The following CD58 variants were observed in gnomAD, a reference collection of about 807,000 sequenced individuals.
The protein encoded by CD58 is lymphocyte function-associated antigen 3.
CD58 carries 14 observed loss-of-function variants against 27.6 expected under a neutral mutation model. The ratio of observed to expected loss-of-function variants is 0.51; its 90% CI spans 0.34 to 0.79. CD58 has a LOEUF of 0.79. CD58 is among the 30% of genes least tolerant of loss of function. CD58 has a pLI of 0.02. For synonymous variants in CD58, 117 were observed against 103.8 expected (o/e 1.13, Z -0.77); for missense variants, 268 against 301.7 (o/e 0.89, Z 0.83).
At chr1:116,565,778 G>C in intron 1 of CD58, among the ~76,000 whole-genome samples, 1 of 150,688 alleles carries the variant, frequency 6.6e-6, no homozygotes, top group East Asian at 1.9e-4. Flanking sequence ...CTGGAGTGCA[G>C]TGTTGTAATC....
In CD58 at chr1:116,544,313, A is replaced by C; in HGVS notation, c.362T>G (p.Leu121Arg). The change falls in exon 2 of 6, where the codon CTT becomes CGT. Residue 121 changes from leucine to arginine, a missense_variant and splice_region_variant. By Grantham distance (102) the Leu-to-Arg change is moderately radical. Coordinates refer to ENST00000369489, the MANE Select transcript of CD58 (RefSeq NM_001779.3). ...TDTMKFFLYV[L>R]ESLPSPTLTC... ...AAATCAACTTATGGAATACTCACCA[A>C]GCACATAAAGAAAGAACTTCATGGT... is the stretch of plus-strand genomic sequence containing the variant. 1.3e-6 allele frequency: 2 copies of C among 1,592,828 alleles called. No individual in the cohort carries two copies. Among genetic ancestry groups the C allele is most frequent in the Non-Finnish European group, 1.7e-6 (2 of 1,171,562 alleles).
chr1:116,525,908 C>T (rs984720739), intron 3 of CD58, among the ~76,000 whole-genome samples: 7 of 152,198 alleles, frequency 4.6e-5, no homozygotes, highest in African/African-American at 1.7e-4. Flanking sequence ...GCCTCGGCCT[C>T]CCAAAGTGCT....
chr1:116,521,759 G>A lies in CD58; in HGVS notation c.706+147C>T, dbSNP rs1657269443. On this transcript the variant is annotated intron_variant, in intron 4 of 5. Transcript: ENST00000369489. This position sits in a 1 kb window ranked among gnomAD's most constrained non-coding sequence, Gnocchi z 5.6. ...TCTTTGGAGGAACCTAGCATGCTCAGCAGTCCCACACACGTAAAGCAAAAA... is the reference window on the plus strand; with the variant it reads ...TCTTTGGAGGAACCTAGCATGCTCAACAGTCCCACACACGTAAAGCAAAAA... 1.7e-6 allele frequency: 1 copy of A among 603,030 alleles called. No homozygotes were observed. The highest frequency in any genetic ancestry group is 3.1e-6 in the Non-Finnish European group (1 of 326,434). 37.4% of individuals were successfully genotyped at this position (603,030 alleles called of 1,614,324 possible). A position where few individuals can be genotyped will look rare whatever the true frequency, so the allele number is the denominator to read the frequency against.
rs1435053573 is a variant in CD58 at position 116,532,390 on chromosome 1, T to C, written c.628+3575A>G. Among the ~76,000 whole-genome samples, 69 of 152,062 alleles carry C rather than the reference T, an allele frequency of 4.5e-4. No homozygotes were observed. Among genetic ancestry groups the C allele is most frequent in the Admixed American group, 4.5e-3 (68 of 15,272 alleles). ...TAAAAAAGAAGATCAAAAAGCAACA[T>C]CCTAAGGAGAATACGGCCCTACTCT... On this transcript the variant is annotated intron_variant, in intron 3 of 5. Coordinates refer to ENST00000369489, the MANE Select transcript of CD58 (RefSeq NM_001779.3). The surrounding 1 kb of genome is among the most constrained non-coding windows in gnomAD (Gnocchi z 5.1).
intron 1 of CD58, among the ~76,000 whole-genome samples, chr1:116,551,583 C>T (rs1206474756): frequency 6.6e-6 from 1 of 152,196 alleles, no homozygotes; most frequent in Non-Finnish European, 1.5e-5. Context: ...TCTCCATCTG[C>T]AATAACGCTG....
Position 116,521,683 on chromosome 1 carries a change from T to C in CD58, c.706+223A>G, listed in dbSNP as rs1657265965. 4.4e-6 allele frequency: 2 copies of C among 451,234 alleles called. No homozygotes were observed. The highest frequency in any genetic ancestry group is 4.1e-6 in the Non-Finnish European group (1 of 242,820). 28.0% of individuals were successfully genotyped at this position (451,234 alleles called of 1,614,324 possible). ...CAGGTCCAGGCTGTGTTCCCAGGCCTGTAAAGCTCTCTGTGGCCTAAGGAT... is the reference window on the plus strand; with the variant it reads ...CAGGTCCAGGCTGTGTTCCCAGGCCCGTAAAGCTCTCTGTGGCCTAAGGAT... On this transcript the variant is annotated intron_variant, in intron 4 of 5. Transcript: ENST00000369489. The surrounding 1 kb of genome is among the most constrained non-coding windows in gnomAD (Gnocchi z 5.6).
In CD58 at chr1:116,522,757, GA is replaced by G. The variant is rs1437170336; in HGVS notation, c.629-775del. On this transcript the variant is annotated intron_variant, in intron 3 of 5. Coordinates refer to ENST00000369489, the MANE Select transcript of CD58 (RefSeq NM_001779.3). This position sits in a 1 kb window ranked among gnomAD's most constrained non-coding sequence, Gnocchi z 4.6. ...GTGTTCCACTAGAAGGTTTGTTTCTGACCATCTCATACTGCCAGTGGAAGCA... is the reference window on the plus strand; with the variant it reads ...GTGTTCCACTAGAAGGTTTGTTTCTGCCATCTCATACTGCCAGTGGAAGCA... Among the ~76,000 whole-genome samples the G allele has an allele frequency of 2.0e-5, 3 of 152,188 alleles. No homozygotes were observed. The highest frequency in any genetic ancestry group is 7.2e-5 in the African/African-American group (3 of 41,448).
Position 116,563,393 on chromosome 1 carries a change from T to C in CD58, c.70+7510A>G, listed in dbSNP as rs924353065. On this transcript the variant is annotated intron_variant, in intron 1 of 5. Transcript: ENST00000369489. The surrounding 1 kb of genome is among the most constrained non-coding windows in gnomAD (Gnocchi z 4.1). ...TACCATTCCGGGGTCTGGTGGATGA[T>C]GGCCCTCTTCTCACAGCTCCACTAG... 6.6e-6 allele frequency among the ~76,000 whole-genome samples: 1 copy of C among 152,100 alleles called. No individual in the cohort carries two copies. Among genetic ancestry groups the C allele is most frequent in the African/African-American group, 2.4e-5 (1 of 41,416 alleles).
At chr1:116,533,484 CAT>C (rs1161905880) in intron 3 of CD58, 1 of 739,250 alleles carries the variant, frequency 1.4e-6, no homozygotes, top group Non-Finnish European at 2.6e-6. Context: ...ATATGAAAGA[CAT>C]AGGCTGTCCA....
rs188778367 is a variant in CD58 at position 116,547,533 on chromosome 1, G to A, written c.71-2929C>T. Among the ~76,000 whole-genome samples the A allele has an allele frequency of 2.0e-3, 310 of 151,992 alleles. 1 individual carries two copies. Among genetic ancestry groups the A allele is most frequent in the Non-Finnish European group, 3.6e-3 (245 of 67,954 alleles). ...TTTAGTAAAGACGGGGTTTCACCAT[G>A]TTAGCCAGGATGGTCTCGATCTCCT... On this transcript the variant is annotated intron_variant, in intron 1 of 5. Transcript: ENST00000369489.
chr1:116,554,073 T>C (rs1054057820), intron 1 of CD58, among the ~76,000 whole-genome samples: 6 of 152,224 alleles, frequency 3.9e-5, no homozygotes, highest in African/African-American at 1.4e-4. Flanking sequence ...TTATTTTTGC[T>C]TATGCTCTAA....
intron 1 of CD58, among the ~76,000 whole-genome samples, chr1:116,558,391 G>A (rs555744954): frequency 7.2e-5 from 11 of 152,246 alleles, no homozygotes; most frequent in Non-Finnish European, 1.3e-4. Context: ...ACTTCTCTGC[G>A]TTTGGTCTTC....
chr1:116,534,756 T>G lies in CD58; in HGVS notation c.628+1209A>C, dbSNP rs1350309321. ...CTGAAAATAATATAACTTTAATGGC[T>G]TTAAGTTATTGTTTGAAAGGGTTCA... On this transcript the variant is annotated intron_variant, in intron 3 of 5. Coordinates refer to ENST00000369489, the MANE Select transcript of CD58 (RefSeq NM_001779.3). The surrounding 1 kb of genome is among the most constrained non-coding windows in gnomAD (Gnocchi z 5.3). 6.6e-6 allele frequency among the ~76,000 whole-genome samples: 1 copy of G among 152,270 alleles called. No individual in the cohort carries two copies.
At chr1:116,564,932 G>C (rs928735439) in intron 1 of CD58, among the ~76,000 whole-genome samples, 1 of 152,134 alleles carries the variant, frequency 6.6e-6, no homozygotes, top group African/African-American at 2.4e-5. Flanking sequence ...ATACTTTTGA[G>C]TTCTTGCTAC....
In CD58 at chr1:116,555,282, T is replaced by C. The variant is rs79522044; in HGVS notation, c.71-10678A>G. ...AAATCATAATGCCCACCATAAAAGA[T>C]TGTTTTCAGGTTTGAATAAAATTGA... On this transcript the variant is annotated intron_variant, in intron 1 of 5. Transcript: ENST00000369489. Among the ~76,000 whole-genome samples the C allele has an allele frequency of 4.6e-5, 7 of 152,070 alleles. No homozygotes were observed. In the East Asian group the frequency reaches 1.3e-3, roughly 29 times the overall value.
At chr1:116,548,630 A>G (rs1658277838) in intron 1 of CD58, among the ~76,000 whole-genome samples, 1 of 152,228 alleles carries the variant, frequency 6.6e-6, no homozygotes, top group East Asian at 1.9e-4. Flanking sequence ...GGCTTCTGGT[A>G]GGCTATTAGC....
intron 1 of CD58, among the ~76,000 whole-genome samples, chr1:116,547,492 AT>A (rs553970415): frequency 1.4e-4 from 21 of 147,992 alleles, no homozygotes; most frequent in African/African-American, 2.7e-4. Context: ...TGCCCGGCTA[AT>A]TTTTTTTTTG....
rs918912700 is a variant in CD58 at position 116,534,114 on chromosome 1, T to C, written c.628+1851A>G. On this transcript the variant is annotated intron_variant, in intron 3 of 5. Coordinates refer to ENST00000369489, the MANE Select transcript of CD58 (RefSeq NM_001779.3). The surrounding 1 kb of genome is among the most constrained non-coding windows in gnomAD (Gnocchi z 5.3). Reference sequence around the variant, plus strand: ...CCATCTGAATGTTTTTATCCCCTTGTCTGGTAAACCAAGTCCCGTGAGTAA... The same window carrying C: ...CCATCTGAATGTTTTTATCCCCTTGCCTGGTAAACCAAGTCCCGTGAGTAA... 6 of 751,184 alleles carry C rather than the reference T, an allele frequency of 8.0e-6. No individual in the cohort carries two copies. In the Admixed American group the frequency reaches 9.0e-5, roughly 11 times the overall value. The allele number at this position is 751,184 out of a possible 1,614,324, so 46.5% of individuals were successfully genotyped here. A position where few individuals can be genotyped will look rare whatever the true frequency, so the allele number is the denominator to read the frequency against.
chr1:116,523,963 A>G lies in CD58; in HGVS notation c.629-1980T>C, dbSNP rs1657349328. Among the ~76,000 whole-genome samples, 1 of 152,234 alleles carries G rather than the reference A, an allele frequency of 6.6e-6. No individual in the cohort carries two copies. The highest frequency in any genetic ancestry group is 1.5e-5 in the Non-Finnish European group (1 of 68,048). On this transcript the variant is annotated intron_variant, in intron 3 of 5. Transcript: ENST00000369489. The surrounding 1 kb of genome is among the most constrained non-coding windows in gnomAD (Gnocchi z 4.4). ...ATTATGAACGCATGAACTGAGCACA[A>G]CTGATGTGTTTCAATCTACTGAAGT...
Sources: allele counts gnomAD v4.1 joint callset (sites outside exome capture counted in the v4.1 genomes callset), GRCh38; gene constraint gnomAD v4.1.1; non-coding constraint Gnocchi (gnomAD v3.1); transcripts MANE v1.5; gene names NCBI Gene and HGNC (gene_info 2026-07-23, HGNC 2026-07-21).